The following IFT22 variants were observed in gnomAD, a reference collection of about 807,000 sequenced individuals.
IFT22 encodes intraflagellar transport protein 22 homolog.
Under a neutral mutation model 21.0 loss-of-function variants are expected in IFT22, and 13 were observed. The ratio of observed to expected loss-of-function variants is 0.62; its 90% CI spans 0.40 to 0.98. IFT22 has a LOEUF of 0.98. Ranked by LOEUF, IFT22 falls within the 50% of genes least tolerant of loss-of-function variation. IFT22 has a pLI of 0.00. For missense variants in IFT22, 227 were observed against 228.9 expected (o/e 0.99, Z 0.06); for synonymous variants, 67 against 82.4 (o/e 0.81, Z 1.01).
chr7:101,318,739 C>T (rs1790239497), intron 2 of IFT22: 2 of 494,908 alleles, frequency 4.0e-6, no homozygotes, highest in Non-Finnish European at 7.3e-6. Context: ...TGGCCTCAAA[C>T]AATCCTTCTG....
chr7:101,315,575 A>AC, intron 4 of IFT22: 1 of 399,028 alleles, frequency 2.5e-6, no homozygotes, highest in East Asian at 5.7e-5. Flanking sequence ...TGACTGTGTC[A>AC]CCTCTGGGAT....
In IFT22 at chr7:101,314,837, C is replaced by T; in HGVS notation, c.*297G>A. 1 of 322,052 alleles carries T rather than the reference C, an allele frequency of 3.1e-6. No individual in the cohort carries two copies. Among genetic ancestry groups the T allele is most frequent in the Admixed American group, 4.6e-5 (1 of 21,642 alleles). The allele number at this position is 322,052 out of a possible 1,614,324, so 19.9% of individuals were successfully genotyped here. ...CATTGGGCTGCGACGGTTACAAGTC[C>T]ACAAACTGTTTAACTGGACATATGT... On this transcript the variant is annotated 3_prime_UTR_variant, in exon 5 of 5. Coordinates refer to ENST00000315322, the MANE Select transcript of IFT22 (RefSeq NM_022777.4).
chr7:101,318,521 A>C (rs986994673), intron 2 of IFT22: 60 of 262,234 alleles, frequency 2.3e-4, no homozygotes, highest in Middle Eastern at 1.3e-3. Flanking sequence ...CTCCATCCCA[A>C]AAAAAAAAGA....
intron 1 of IFT22, among the ~76,000 whole-genome samples, chr7:101,320,511 G>C (rs1316863663): frequency 6.7e-6 from 1 of 149,868 alleles, no homozygotes; most frequent in Non-Finnish European, 1.5e-5. Flanking sequence ...TGCCTGCCTC[G>C]GCCTCCCAAA....
intron 3 of IFT22, 108 bp from the exon 4 acceptor site, chr7:101,316,650 C>T (rs1396366213): frequency 2.6e-5 from 28 of 1,085,534 alleles, no homozygotes; most frequent in Non-Finnish European, 3.6e-5. Flanking sequence ...GACGGCTGGG[C>T]GTGGTGGCTC....
rs1301574463 is a variant in IFT22, at chr7:101,311,372, G to C, written c.*3762C>G. Among the ~76,000 whole-genome samples the C allele has an allele frequency of 6.6e-6, 1 of 152,170 alleles. No homozygotes were observed. Among genetic ancestry groups the C allele is most frequent in the Non-Finnish European group, 1.5e-5 (1 of 68,036 alleles). ...CCTTTTGAGGTGGTCAATTTTGTGA[G>C]ATGGATTCTTGTTAGGCAGCTGTCA... On this transcript the variant is annotated 3_prime_UTR_variant, in exon 5 of 5. Transcript: ENST00000315322.
At position 101,310,980 on chromosome 7, in the gene IFT22, G is replaced by A. The variant is rs1426240122; in HGVS notation, c.*4154C>T. On this transcript the variant is annotated 3_prime_UTR_variant, in exon 5 of 5. Transcript: ENST00000315322. ...CTGGCCATTCAGGTGAACAAAATCT[G>A]CTGGGTTAATTTTTTTTTTTTTTTT... is the stretch of plus-strand genomic sequence containing the variant. 7.2e-6 allele frequency: 2 copies of A among 279,118 alleles called. No individual in the cohort carries two copies. Among genetic ancestry groups the A allele is most frequent in the South Asian group, 3.3e-5 (1 of 29,880 alleles). The allele number at this position is 279,118 out of a possible 1,614,324, so 17.3% of individuals were successfully genotyped here.
chr7:101,316,385 G>T lies in IFT22; in HGVS notation c.364C>A (p.His122Asn). ...TCATCTCCAGAGCCTGGTTTGTGGT[G>T]TGCAATTAGCATACACTGTGTGTCC... ...LQDTQCMLIA[H>N]HKPGSGDDKG... The change falls in exon 4 of 5, where the codon CAC (histidine) becomes AAC (asparagine). Residue 122 changes from histidine to asparagine, a missense_variant. Transcript: ENST00000315322. The T allele has an allele frequency of 6.2e-7, 1 of 1,614,160 alleles. No homozygotes were observed. Among genetic ancestry groups the T allele is most frequent in the Non-Finnish European group, 8.5e-7 (1 of 1,180,034 alleles).
chr7:101,317,269 G>A (rs4729686), intron 3 of IFT22, among the ~76,000 whole-genome samples: 9,491 of 151,950 alleles, frequency 0.062, 314 homozygotes, highest in African/African-American at 0.092. Flanking sequence ...AGCGATTCTC[G>A]TGCCTCAGTC....
At position 101,318,435 on chromosome 7, in the gene IFT22, G is replaced by A. The variant is rs548973859; in HGVS notation, c.117-222C>T. 1.7e-4 allele frequency: 66 copies of A among 389,162 alleles called. 1 individual carries two copies. The highest frequency in any genetic ancestry group is 1.6e-3 in the South Asian group (61 of 39,210). The allele number at this position is 389,162 out of a possible 1,614,324, so 24.1% of individuals were successfully genotyped here. A position where few individuals can be genotyped will look rare whatever the true frequency, so the allele number is the denominator to read the frequency against. On this transcript the variant is annotated intron_variant, in intron 2 of 4. Coordinates refer to ENST00000315322, the MANE Select transcript of IFT22 (RefSeq NM_022777.4). The stretch of plus-strand genomic sequence containing the variant: ...CTGGGGAGGCTAAGGCAGGAGAATC[G>A]CTTGAACCTGGGAGGCGGAGATTGC...
rs1396742868 is a variant in IFT22 at position 101,312,748 on chromosome 7, G to C, written c.*2386C>G. Among the ~76,000 whole-genome samples, 2 of 151,706 alleles carry C rather than the reference G, an allele frequency of 1.3e-5. No homozygotes were observed. Among genetic ancestry groups the C allele is most frequent in the East Asian group, 3.9e-4 (2 of 5,154 alleles). Reference sequence around the variant, plus strand: ...GTCGGGGTTTCACCATGTTGGACAGGCTGGTCTCGAACTCCTGACCTTGTG... The same window carrying C: ...GTCGGGGTTTCACCATGTTGGACAGCCTGGTCTCGAACTCCTGACCTTGTG... On this transcript the variant is annotated 3_prime_UTR_variant, in exon 5 of 5. Transcript: ENST00000315322.
intron 4 of IFT22, chr7:101,315,536 C>A: frequency 4.1e-6 from 2 of 493,650 alleles, no homozygotes; most frequent in Non-Finnish European, 7.2e-6. Context: ...CATTTTGTTT[C>A]TGAATATTTT....
rs562938899 is a variant in IFT22, at chr7:101,320,873, G to A, written c.39+798C>T. 1.3e-3 allele frequency among the ~76,000 whole-genome samples: 199 copies of A among 152,158 alleles called. 3 individuals are homozygous for A. Among genetic ancestry groups the A allele is most frequent in the African/African-American group, 4.5e-3 (185 of 41,536 alleles). On this transcript the variant is annotated intron_variant, in intron 1 of 4. Transcript: ENST00000315322. ...AATAATTAACAAATTAAGGCCAGGC[G>A]CGGTGGCTCATCCCTATAATCCCAG...
At chr7:101,316,901 G>A (rs1202681368) in intron 3 of IFT22, among the ~76,000 whole-genome samples, 5 of 151,958 alleles carry the variant, frequency 3.3e-5, no homozygotes, top group Non-Finnish European at 7.4e-5. Context: ...TCCAGCGTGG[G>A]TGACAGAGCG....
rs1027502673 is a variant in IFT22, at chr7:101,312,617, C to A, written c.*2517G>T. The stretch of plus-strand genomic sequence containing the variant: ...GTGGCGCGATCTTGGCTCACTGCAA[C>A]CTCTGCCTCCTGGGTTCAAGTGATT... On this transcript the variant is annotated 3_prime_UTR_variant, in exon 5 of 5. Coordinates refer to ENST00000315322, the MANE Select transcript of IFT22 (RefSeq NM_022777.4). Among the ~76,000 whole-genome samples, 1 of 141,512 alleles carries A rather than the reference C, an allele frequency of 7.1e-6. No homozygotes were observed. Among genetic ancestry groups the A allele is most frequent in the African/African-American group, 2.7e-5 (1 of 37,664 alleles). The allele number at this position is 141,512 out of a possible 152,430, so 92.8% of individuals were successfully genotyped here.
At chr7:101,318,272 C>G (rs978387564) in intron 2 of IFT22, 59 bp from the exon 3 acceptor site, 1 of 1,395,568 alleles carries the variant, frequency 7.2e-7, no homozygotes, top group Non-Finnish European at 1.0e-6. Context: ...GTAATCTCAG[C>G]AGTCTGGGAG....
At chr7:101,319,211 C>T (rs1790256616) in intron 1 of IFT22, 179 bp from the exon 2 acceptor site, 2 of 604,788 alleles carry the variant, frequency 3.3e-6, no homozygotes, top group South Asian at 3.8e-5. Flanking sequence ...ACAGCCTGGT[C>T]TGGGGTCCAG....
At chr7:101,316,121 C>G (rs1584309758) in intron 4 of IFT22, 3 of 540,310 alleles carry the variant, frequency 5.6e-6, no homozygotes, top group East Asian at 6.3e-5. Flanking sequence ...GCCTTAGCCC[C>G]CTGAGTAGCT....
At chr7:101,316,066 T>C in intron 4 of IFT22, 1 of 360,922 alleles carries the variant, frequency 2.8e-6, no homozygotes, top group Non-Finnish European at 5.2e-6. Context: ...TGGTGAGATC[T>C]CAACTCACTG....
Sources: allele counts gnomAD v4.1 joint callset (sites outside exome capture counted in the v4.1 genomes callset), GRCh38; gene constraint gnomAD v4.1.1; transcripts MANE v1.5; gene names NCBI Gene and HGNC (gene_info 2026-07-23, HGNC 2026-07-21).